The following OBSL1 variants were observed in gnomAD, a reference collection of about 807,000 sequenced individuals.
The protein encoded by OBSL1 is obscurin-like protein 1.
OBSL1 carries 160 observed loss-of-function variants against 172.0 expected under a neutral mutation model. The observed-to-expected ratio is 0.93, with a 90% CI of 0.82 to 1.06. OBSL1 has a LOEUF of 1.06. OBSL1 is among the 50% of genes least tolerant of loss of function. OBSL1 has a pLI of 0.00. For missense variants in OBSL1, 2,681 were observed against 2,715.4 expected (o/e 0.99, Z 0.28); for synonymous variants, 1,200 against 1,196.3 (o/e 1.00, Z -0.06).
Position 219,570,674 on chromosome 2 carries a change from C to T in OBSL1, c.559G>A (p.Gly187Ser). 6.6e-7 allele frequency: 1 copy of T among 1,508,018 alleles called. No individual in the cohort carries two copies. The highest frequency in any genetic ancestry group is 8.8e-7 in the Non-Finnish European group (1 of 1,134,310). 93.4% of individuals were successfully genotyped at this position (1,508,018 alleles called of 1,614,324 possible). ...FALQPGRAED[G>S]PGASLALRIL... The stretch of plus-strand genomic sequence containing the variant: ...CGCAGTGCCAGGCTCGCGCCGGGGC[C>T]GTCCTCGGCGCGGCCCGGCTGGAGC... The change falls in exon 1 of 21, where the codon GGC (glycine) becomes AGC (serine). Residue 187 changes from glycine (G) to serine (S), a missense_variant. Transcript: ENST00000404537.
At chr2:219,547,498 C>A (rs753016709), downstream of OBSL1, 1 of 1,418,770 alleles carries the variant, frequency 7.0e-7, no homozygotes, top group Non-Finnish European at 9.2e-7. Flanking sequence ...GCCCCTGTTC[C>A]CCTCCAGGTT....
chr2:219,559,000 A>G (rs909237210), intron 9 of OBSL1: 2 of 552,648 alleles, frequency 3.6e-6, no homozygotes, highest in Non-Finnish European at 6.4e-6. Flanking sequence ...CTCAATGAGT[A>G]TTGAACGAAT....
intron 8 of OBSL1, among the ~76,000 whole-genome samples, chr2:219,561,548 C>T (rs1390934898): frequency 2.6e-5 from 4 of 152,150 alleles, no homozygotes; most frequent in Non-Finnish European, 4.4e-5. Context: ...TCCTGGAATG[C>T]GTCTGGCTTT....
In OBSL1 at chr2:219,551,704, C is replaced by T. The variant is rs1039728958; in HGVS notation, c.5508G>A (p.Gly1836=). 3 of 1,610,874 alleles carry T rather than the reference C, an allele frequency of 1.9e-6. No individual in the cohort carries two copies. Among genetic ancestry groups the T allele is most frequent in the Middle Eastern group, 1.7e-4 (1 of 6,052 alleles). Residue 1836 remains glycine, a synonymous_variant, in exon 20 of 21, where the codon GGG becomes GGA. Coordinates refer to ENST00000404537, the MANE Select transcript of OBSL1 (RefSeq NM_015311.3). ...AVLEVTVSRS[G]GHVCWLREGA... is the part of the protein sequence containing the mutation. Reference sequence around the variant, plus strand: ...CCTCCCGCAGCCAGCACACGTGGCCCCCCGAGCGGGACACAGTCACCTCCA... The same window carrying T: ...CCTCCCGCAGCCAGCACACGTGGCCTCCCGAGCGGGACACAGTCACCTCCA...
At position 219,557,592 on chromosome 2, in the gene OBSL1, CGGGAGCTACCACCCGCACAG is replaced by C; in HGVS notation, c.3797_3816del (p.Pro1266ArgfsTer104). 3 of 1,545,636 alleles carry C rather than the reference CGGGAGCTACCACCCGCACAG, an allele frequency of 1.9e-6. No individual in the cohort carries two copies. Among genetic ancestry groups the C allele is most frequent in the Non-Finnish European group, 2.6e-6 (3 of 1,143,416 alleles). The stretch of plus-strand genomic sequence containing the variant: ...CTCCGAACCCTCGTCTGGGCTGCCT[CGGGAGCTACCACCCGCACAG>C]GGGGCTCTGTGGAGTCAGAGCTGGA... On this transcript the variant is annotated frameshift_variant, in exon 12 of 21. Coordinates refer to ENST00000404537, the MANE Select transcript of OBSL1 (RefSeq NM_015311.3). LOFTEE classifies it high-confidence loss of function.
At position 219,557,537 on chromosome 2, in the gene OBSL1, ACCACCAGCTCTAGG is replaced by A; in HGVS notation, c.3858_3871del (p.Leu1287AlafsTer85). The A allele has an allele frequency of 6.4e-7, 1 of 1,552,642 alleles. No homozygotes were observed. The highest frequency in any genetic ancestry group is 1.2e-5 in the South Asian group (1 of 84,058). On this transcript the variant is annotated frameshift_variant, in exon 12 of 21. Transcript: ENST00000404537. LOFTEE classifies it high-confidence loss of function. ...AGGGCCCCCTGGCCCGGAGAGGTGC[ACCACCAGCTCTAGG>A]TCCCCGCCTGGGGTGCTCCGAACCC...
At chr2:219,558,938 G>C in intron 9 of OBSL1, 2 of 457,330 alleles carry the variant, frequency 4.4e-6, no homozygotes, top group South Asian at 1.0e-4. Context: ...AGTCTTATTG[G>C]TTCACTGCTG....
chr2:219,553,387 TC>T (rs1695774037), intron 16 of OBSL1, among the ~76,000 whole-genome samples, 186 bp downstream of exon 16: 2 of 152,332 alleles, frequency 1.3e-5, no homozygotes, highest in South Asian at 4.1e-4. Flanking sequence ...AGCATCAGTT[TC>T]CTGATAGGTA....
At position 219,567,045 on chromosome 2, in the gene OBSL1, G is replaced by A. The variant is rs969469409; in HGVS notation, c.1919C>T (p.Ser640Phe). The A allele has an allele frequency of 6.2e-7, 1 of 1,613,458 alleles. No homozygotes were observed. Among genetic ancestry groups the A allele is most frequent in the Non-Finnish European group, 8.5e-7 (1 of 1,179,838 alleles). The change falls in exon 5 of 21, where the codon TCC becomes TTC. Residue 640 changes from serine to phenylalanine, a missense_variant. Physicochemically the swap from Ser to Phe is radical, Grantham distance 155. This residue lies in a region of OBSL1 where 53 missense variants were observed against 85.5 expected (regional missense o/e 0.62). Coordinates refer to ENST00000404537, the MANE Select transcript of OBSL1 (RefSeq NM_015311.3). ...GEDAVFSLDL[S>F]TIIQGTWFLN... ...GAACCAGGTACCCTGGATGATGGTG[G>A]AGAGATCGAGGGAGAAGACGGCATC...
At chr2:219,549,866 T>C, downstream of OBSL1, 2 of 1,607,986 alleles carry the variant, frequency 1.2e-6, no homozygotes, top group Non-Finnish European at 1.7e-6. Context: ...CATATCTGTC[T>C]GTCTAGACTC....
intron 20 of OBSL1, 172 bp from the exon 21 acceptor site, chr2:219,551,014 G>A (rs1695575873): frequency 1.3e-6 from 2 of 1,483,564 alleles, no homozygotes; most frequent in African/African-American, 1.4e-5. Context: ...GGGTCAGCTA[G>A]GGGTGGGGCA....
intron 5 of OBSL1, 141 bp downstream of exon 5, chr2:219,566,689 C>T (rs1450466235): frequency 1.1e-6 from 1 of 912,270 alleles, no homozygotes; most frequent in African/African-American, 1.7e-5. Context: ...GACCTCTGAG[C>T]CCTCAACCTC....
At chr2:219,552,045 G>A in intron 19 of OBSL1, 67 bp downstream of exon 19, 2 of 1,452,982 alleles carry the variant, frequency 1.4e-6, no homozygotes, top group Non-Finnish European at 1.9e-6. Flanking sequence ...CCAGCCCCAA[G>A]TCCGTCAGTC....
At chr2:219,550,483 G>A (rs1282869557), downstream of OBSL1, 1 of 326,448 alleles carries the variant, frequency 3.1e-6, no homozygotes, top group Non-Finnish European at 5.8e-6. Context: ...AATGCACGGT[G>A]CATGTCTGGT....
In OBSL1 at chr2:219,556,024, C is replaced by G. The variant is rs2106023629; in HGVS notation, c.4605G>C (p.Val1535=). 1 of 1,613,416 alleles carries G rather than the reference C, an allele frequency of 6.2e-7. No individual in the cohort carries two copies. Among genetic ancestry groups the G allele is most frequent in the Non-Finnish European group, 8.5e-7 (1 of 1,179,854 alleles). Residue 1535 remains valine, a synonymous_variant, in exon 14 of 21, where the codon GTG becomes GTC. Coordinates refer to ENST00000404537, the MANE Select transcript of OBSL1 (RefSeq NM_015311.3). The part of the protein sequence containing the change: ...HHDRTLARLS[V]RPRQLRVLRP... ...AAGAGAGGACGGGGCACTCACGCCT[C>G]ACGCTGAGCCTGGCCAGGGTGCGAT... is the stretch of plus-strand genomic sequence containing the variant.
At position 219,570,431 on chromosome 2, in the gene OBSL1, A is replaced by G. The variant is rs553728135; in HGVS notation, c.802T>C (p.Tyr268His). The G allele has an allele frequency of 6.8e-6, 11 of 1,613,194 alleles. No individual in the cohort carries two copies. In the South Asian group the frequency reaches 1.1e-4, roughly 16 times the overall value. The change falls in exon 1 of 21, where the codon TAC becomes CAC. Residue 268 changes from tyrosine to histidine, a missense_variant. By Grantham distance (83) the Tyr-to-His change is moderately conservative. Around this residue, in one of 5 missense-constraint regions of OBSL1, gnomAD observed 706 missense variants for 695.8 expected, o/e 1.01. Transcript: ENST00000404537. ...NEGKHAKFRC[Y>H]VMGKPEPEIE... ...TCGGGCTCGGGCTTGCCCATCACGTAGCAGCGGAACTTGGCGTGCTTGCCC... is the reference window on the plus strand; with the variant it reads ...TCGGGCTCGGGCTTGCCCATCACGTGGCAGCGGAACTTGGCGTGCTTGCCC...
chr2:219,547,769 G>T (rs746935065), downstream of OBSL1: 1 of 1,594,482 alleles, frequency 6.3e-7, no homozygotes, highest in Non-Finnish European at 8.5e-7. Context: ...CTACCAGCCA[G>T]GCTCCGTGTG....
chr2:219,562,497 C>A lies in OBSL1; in HGVS notation c.2858G>T (p.Arg953Leu), dbSNP rs377679865. 3.1e-6 allele frequency: 5 copies of A among 1,614,006 alleles called. No individual in the cohort carries two copies. In the South Asian group the frequency reaches 5.5e-5, roughly 18 times the overall value. The change falls in exon 8 of 21, where the codon CGC becomes CTC. Residue 953 changes from arginine to leucine, a missense_variant. Transcript: ENST00000404537. ...ALLLQKEDTV[R>L]RLVLPAVQLE... ...CTGGACAGCGGGCAGCACCAGGCGG[C>A]GGACAGTGTCTTCCTTCTGCAGGAG...
downstream of OBSL1, chr2:219,549,463 G>T (rs1266302671): frequency 7.3e-7 from 1 of 1,377,628 alleles, no homozygotes; most frequent in Non-Finnish European, 9.8e-7. Flanking sequence ...AGGCCTGTTT[G>T]TCCATGAACT....
Sources: allele counts gnomAD v4.1 joint callset (sites outside exome capture counted in the v4.1 genomes callset), GRCh38; gene constraint gnomAD v4.1.1; regional missense constraint gnomAD v4.1.1; transcripts MANE v1.5; gene names NCBI Gene and HGNC (gene_info 2026-07-23, HGNC 2026-07-21).